RSPO2: variants seen among roughly 807,000 people sequenced by gnomAD.
RSPO2 encodes the protein R-spondin 2.
A neutral mutation model predicts 30.9 loss-of-function variants in RSPO2; 14 were observed. The observed-to-expected ratio is 0.45, with a 90% CI of 0.30 to 0.71. The LOEUF (loss-of-function observed/expected upper bound fraction) is 0.71, where lower values mean the gene tolerates loss of function less well. Ranked by LOEUF, RSPO2 falls within the 30% of genes least tolerant of loss-of-function variation. The pLI is 0.08. For missense variants in RSPO2, 264 were observed against 301.9 expected (o/e 0.87, Z 0.93); for synonymous variants, 107 against 96.4 (o/e 1.11, Z -0.64).
intron 3 of RSPO2, among the ~76,000 whole-genome samples, chr8:107,975,681 A>G (rs754129121): frequency 1.3e-4 from 20 of 152,238 alleles, no homozygotes; most frequent in Admixed American, 9.2e-4. Context: ...AACTTATGAG[A>G]TGCCAAGGCC....
chr8:108,077,162 T>G (rs1813041121), intron 2 of RSPO2, among the ~76,000 whole-genome samples: 1 of 152,200 alleles, frequency 6.6e-6, no homozygotes, highest in Admixed American at 6.5e-5. Flanking sequence ...ATATTTTTCT[T>G]GTTTGTTAAT....
intron 2 of RSPO2, among the ~76,000 whole-genome samples, chr8:108,015,013 C>G (rs1810838653): frequency 1.3e-5 from 2 of 151,960 alleles, no homozygotes; most frequent in African/African-American, 4.8e-5. Context: ...TAATATAGCC[C>G]ACTTCTTGAT....
intron 2 of RSPO2, among the ~76,000 whole-genome samples, chr8:108,038,659 C>G (rs766888472): frequency 1.3e-5 from 2 of 152,120 alleles, no homozygotes; most frequent in African/African-American, 2.4e-5. Context: ...CCTTCAGCAA[C>G]CACCACACTG....
chr8:107,909,179 C>T (rs142044505), intron 5 of RSPO2, among the ~76,000 whole-genome samples: 106 of 152,164 alleles, frequency 7.0e-4, no homozygotes, highest in African/African-American at 2.4e-3. Flanking sequence ...TGACCCCTAC[C>T]CATGCTTCTA....
intron 2 of RSPO2, among the ~76,000 whole-genome samples, chr8:108,039,165 C>G (rs1811682465): frequency 6.6e-6 from 1 of 152,126 alleles, no homozygotes; most frequent in Admixed American, 6.6e-5. Flanking sequence ...CTGTATTTTA[C>G]AGGTTCCTAG....
chr8:107,969,983 G>T (rs372350149), intron 3 of RSPO2, among the ~76,000 whole-genome samples: 1 of 152,258 alleles, frequency 6.6e-6, no homozygotes, highest in South Asian at 2.1e-4. Flanking sequence ...AAATGGAAAA[G>T]CATATGTAAG....
intron 2 of RSPO2, among the ~76,000 whole-genome samples, chr8:108,020,728 C>T (rs2130610608): frequency 6.6e-6 from 1 of 152,264 alleles, no homozygotes; most frequent in East Asian, 1.9e-4. Context: ...ATTCCCTAAC[C>T]TATAAAGGAA....
chr8:107,917,429 A>T (rs1314245790), intron 5 of RSPO2, among the ~76,000 whole-genome samples: 1 of 152,076 alleles, frequency 6.6e-6, no homozygotes, highest in African/African-American at 2.4e-5. Context: ...AGGCTGCAGT[A>T]AGCCAAGATC....
chr8:107,975,736 A>AT lies in RSPO2; in HGVS notation c.283+13319dup, dbSNP rs563017217. Among the ~76,000 whole-genome samples the AT allele has an allele frequency of 2.0e-3, 310 of 152,322 alleles. 2 individuals are homozygous for AT. The highest frequency in any genetic ancestry group is 7.1e-3 in the African/African-American group (296 of 41,584). ...TAAACTGTGGCCCTGGTGAGGTCAC[A>AT]TTTTTTATATAATCTCCCAAAACTA... On this transcript the variant is annotated intron_variant, in intron 3 of 5. Transcript: ENST00000276659.
chr8:107,959,748 T>TA (rs1813556766), intron 4 of RSPO2, among the ~76,000 whole-genome samples: 1 of 152,218 alleles, frequency 6.6e-6, no homozygotes, highest in African/African-American at 2.4e-5. Context: ...GTGGTGCCTA[T>TA]AAAATGTATT....
At chr8:107,994,577 T>C (rs1384420499) in intron 2 of RSPO2, among the ~76,000 whole-genome samples, 2 of 152,096 alleles carry the variant, frequency 1.3e-5, no homozygotes, top group Non-Finnish European at 2.9e-5. Context: ...TGGTATAAAA[T>C]GTAGAAATGA....
intron 5 of RSPO2, among the ~76,000 whole-genome samples, chr8:107,924,630 G>A (rs1454096841): frequency 6.6e-6 from 1 of 151,944 alleles, no homozygotes; most frequent in Admixed American, 6.6e-5. Flanking sequence ...GTAATTAAGA[G>A]CAGTAGGGTA....
chr8:108,013,531 C>G (rs1451387609), intron 2 of RSPO2, among the ~76,000 whole-genome samples: 1 of 152,148 alleles, frequency 6.6e-6, no homozygotes, highest in Admixed American at 6.5e-5. Flanking sequence ...GAACAGAGGC[C>G]TCAGAAATAA....
At chr8:107,976,058 T>C (rs1297526437) in intron 3 of RSPO2, among the ~76,000 whole-genome samples, 1 of 152,222 alleles carries the variant, frequency 6.6e-6, no homozygotes, top group Non-Finnish European at 1.5e-5. Context: ...TGTTAACCCA[T>C]GAAGTGCCTT....
intron 5 of RSPO2, among the ~76,000 whole-genome samples, chr8:107,957,440 C>T (rs1343189000): frequency 6.6e-6 from 1 of 152,158 alleles, no homozygotes; most frequent in Non-Finnish European, 1.5e-5. Context: ...TGTGCTCTTC[C>T]AATTTCTAAA....
intron 2 of RSPO2, among the ~76,000 whole-genome samples, chr8:107,999,815 CA>C (rs3046257): frequency 0.18 from 27,192 of 148,894 alleles, 2,568 homozygotes; most frequent in Middle Eastern, 0.36. Flanking sequence ...TAATATCTTC[CA>C]AAAAAAAAAA....
intron 2 of RSPO2, among the ~76,000 whole-genome samples, chr8:108,065,039 G>C (rs942516139): frequency 1.3e-5 from 2 of 151,954 alleles, no homozygotes; most frequent in Non-Finnish European, 2.9e-5. Flanking sequence ...GGAGAAGGGG[G>C]AGGGATAGCA....
At chr8:107,930,384 G>A (rs757193093) in intron 5 of RSPO2, among the ~76,000 whole-genome samples, 1 of 152,158 alleles carries the variant, frequency 6.6e-6, no homozygotes, top group Admixed American at 6.6e-5. Flanking sequence ...TTGCAATAAG[G>A]TTGAAGATAA....
At chr8:108,042,971 C>A (rs746476617) in intron 2 of RSPO2, among the ~76,000 whole-genome samples, 5 of 151,986 alleles carry the variant, frequency 3.3e-5, no homozygotes, top group Non-Finnish European at 7.4e-5. Flanking sequence ...TTGCAAGGAG[C>A]AAATGAAATA....
Sources: allele counts gnomAD v4.1 joint callset (sites outside exome capture counted in the v4.1 genomes callset), GRCh38; gene constraint gnomAD v4.1.1; transcripts MANE v1.5; gene names NCBI Gene and HGNC (gene_info 2026-07-23, HGNC 2026-07-21).